NEDD4L: variants seen among roughly 807,000 people sequenced by gnomAD.
The protein encoded by NEDD4L is E3 ubiquitin-protein ligase NEDD4-like.
A neutral mutation model predicts 148.9 loss-of-function variants in NEDD4L; 54 were observed. The ratio of observed to expected loss-of-function variants is 0.36; its 90% confidence interval spans 0.29 to 0.45. NEDD4L has a LOEUF of 0.45. Ranked by LOEUF, NEDD4L falls within the 20% of genes least tolerant of loss-of-function variation. NEDD4L has a pLI of 1.00. For missense variants in NEDD4L, 856 were observed against 1,233.8 expected (o/e 0.69, Z 4.59); for synonymous variants, 433 against 440.7 (o/e 0.98, Z 0.22).
At chr18:58,286,332 T>G (rs1287030109) in intron 5 of NEDD4L, among the ~76,000 whole-genome samples, 1 of 152,196 alleles carries the variant, frequency 6.6e-6, no homozygotes, top group Non-Finnish European at 1.5e-5. Flanking sequence ...TCAATAAAGG[T>G]GCCAATTTAA....
At chr18:58,158,780 T>A (rs7236010) in intron 1 of NEDD4L, among the ~76,000 whole-genome samples, 4 of 151,810 alleles carry the variant, frequency 2.6e-5, no homozygotes, top group South Asian at 2.1e-4. Context: ...TGAACTGGAC[T>A]TGCAGTCCTG....
In NEDD4L at chr18:58,245,427, T is replaced by C. The variant is rs1447782263; in HGVS notation, c.123T>C (p.Ser41=). Residue 41 remains serine, a splice_region_variant and synonymous_variant, in exon 3 of 31, where the codon AGT becomes AGC. Coordinates refer to ENST00000400345, the MANE Select transcript of NEDD4L (RefSeq NM_001144967.3). Reference sequence around the variant, plus strand: ...TTAAATCTAAAATATTTTCTTACAGTGATCCGTATGTGAAACTTTCATTGT... The same window carrying C: ...TTAAATCTAAAATATTTTCTTACAGCGATCCGTATGTGAAACTTTCATTGT... ...DLAKKDIFGA[S]DPYVKLSLYV... is the part of the protein sequence containing the mutation. 2.0e-6 allele frequency: 3 copies of C among 1,484,990 alleles called. No homozygotes were observed. Among genetic ancestry groups the C allele is most frequent in the Non-Finnish European group, 2.8e-6 (3 of 1,077,040 alleles). The allele number at this position is 1,484,990 out of a possible 1,614,324, so 92.0% of individuals were successfully genotyped here.
rs374118941 is a variant in NEDD4L, at chr18:58,054,174, TA to T, written c.48+9468del. ...CTATTTAGAGAATTACTTTGCTTAG[TA>T]AGCACTCAGTACTATTTAGTAATGG... On this transcript the variant is annotated intron_variant, in intron 1 of 30. Coordinates refer to ENST00000400345, the MANE Select transcript of NEDD4L (RefSeq NM_001144967.3). Among the ~76,000 whole-genome samples, 153 of 152,372 alleles carry T rather than the reference TA, an allele frequency of 1.0e-3. 1 individual carries two copies. The highest frequency in any genetic ancestry group is 3.6e-3 in the African/African-American group (148 of 41,584).
At chr18:58,364,174 A>G in intron 19 of NEDD4L, 94 bp from the exon 20 acceptor site, 2 of 753,192 alleles carry the variant, frequency 2.7e-6, no homozygotes, top group Non-Finnish European at 4.5e-6. Context: ...TTTACGGTTT[A>G]TGACTCATGA....
chr18:58,153,948 G>A (rs927526894), intron 1 of NEDD4L, among the ~76,000 whole-genome samples: 9 of 152,270 alleles, frequency 5.9e-5, no homozygotes, highest in Non-Finnish European at 1.0e-4. Flanking sequence ...CACCCGGCCC[G>A]AAATATTGTT....
chr18:58,387,143 G>A (rs907592601), intron 26 of NEDD4L, among the ~76,000 whole-genome samples: 2 of 152,206 alleles, frequency 1.3e-5, no homozygotes, highest in African/African-American at 4.8e-5. Context: ...CTGACTCACA[G>A]CAGTGTTATA....
intron 5 of NEDD4L, among the ~76,000 whole-genome samples, chr18:58,284,572 A>AAGTGCT (rs2053626323): frequency 8.9e-6 from 1 of 112,900 alleles, no homozygotes; most frequent in Admixed American, 8.6e-5. Flanking sequence ...ATACGAATAG[A>AAGTGCT]AGTAACTTCT....
intron 1 of NEDD4L, among the ~76,000 whole-genome samples, chr18:58,083,549 G>A (rs1438594827): frequency 6.6e-6 from 1 of 152,100 alleles, no homozygotes; most frequent in Non-Finnish European, 1.5e-5. Context: ...TTAGCCGGGC[G>A]TGGTGGCGGG....
intron 2 of NEDD4L, among the ~76,000 whole-genome samples, chr18:58,208,065 A>G (rs529340564): frequency 6.6e-6 from 1 of 152,176 alleles, no homozygotes; most frequent in South Asian, 2.1e-4. Context: ...AACAACAACA[A>G]AGAGCAGAGT....
intron 1 of NEDD4L, among the ~76,000 whole-genome samples, chr18:58,086,417 A>T (rs1431705642): frequency 6.6e-6 from 1 of 152,172 alleles, no homozygotes; most frequent in Non-Finnish European, 1.5e-5. Context: ...AGAGACTGGC[A>T]GGTTGAGGAG....
chr18:58,264,591 G>A (rs774455492), intron 5 of NEDD4L, among the ~76,000 whole-genome samples: 1 of 152,066 alleles, frequency 6.6e-6, no homozygotes, highest in Non-Finnish European at 1.5e-5. Flanking sequence ...CATGCATACA[G>A]TGTGTAATGA....
At chr18:58,090,842 G>GT (rs1782845427) in intron 1 of NEDD4L, 1 of 152,238 alleles carries the variant, frequency 6.6e-6, no homozygotes, top group African/African-American at 2.4e-5. Flanking sequence ...TTCTGTAGAA[G>GT]TTTTTTCATA....
At chr18:58,394,371 G>T (rs1194748095) in intron 30 of NEDD4L, among the ~76,000 whole-genome samples, 1 of 152,162 alleles carries the variant, frequency 6.6e-6, no homozygotes, top group Non-Finnish European at 1.5e-5. Flanking sequence ...TCTTCATCAT[G>T]CCAGTGTTTC....
At chr18:58,390,386 A>G (rs2049651268) in intron 28 of NEDD4L, 3 of 354,570 alleles carry the variant, frequency 8.5e-6, no homozygotes, top group Non-Finnish European at 1.0e-5. Flanking sequence ...GCTTGGTGCC[A>G]TCAGAGAGTT....
chr18:58,286,380 T>C (rs527587558), intron 5 of NEDD4L, among the ~76,000 whole-genome samples: 2 of 152,348 alleles, frequency 1.3e-5, no homozygotes, highest in South Asian at 4.1e-4. Context: ...TGTTGTCCTA[T>C]TCTGAAGGAT....
At chr18:58,074,747 TGTCTC>T (rs1256801367) in intron 1 of NEDD4L, among the ~76,000 whole-genome samples, 4 of 152,292 alleles carry the variant, frequency 2.6e-5, no homozygotes, top group African/African-American at 9.6e-5. Flanking sequence ...AACAGATTCT[TGTCTC>T]TGGTGGTTGA....
intron 22 of NEDD4L, among the ~76,000 whole-genome samples, chr18:58,368,210 C>T (rs571873242): frequency 6.6e-6 from 1 of 152,204 alleles, no homozygotes; most frequent in East Asian, 1.9e-4. Context: ...AAAATGATCT[C>T]ATCTATCTAA....
intron 24 of NEDD4L, among the ~76,000 whole-genome samples, chr18:58,375,209 G>A (rs2047408895): frequency 2.6e-5 from 4 of 152,016 alleles, no homozygotes. Flanking sequence ...GTCCCTGTCT[G>A]TGCACTCCCC....
intron 1 of NEDD4L, among the ~76,000 whole-genome samples, chr18:58,095,121 A>C (rs932513124): frequency 6.6e-6 from 1 of 152,122 alleles, no homozygotes; most frequent in African/African-American, 2.4e-5. Context: ...AGAGGTTCTC[A>C]TTGTTTTATT....
Sources: gnomAD v4.1 joint callset for allele counts (sites outside exome capture counted in the v4.1 genomes callset) on GRCh38, gnomAD v4.1.1 for gene constraint, MANE v1.5 for transcripts, NCBI Gene and HGNC (gene_info 2026-07-23, HGNC 2026-07-21) for gene names.